The following KCNIP1 variants were observed in gnomAD, a reference collection of about 807,000 sequenced individuals.
KCNIP1 encodes the protein potassium voltage-gated channel interacting protein 1.
In KCNIP1, 18 loss-of-function variants were observed where a neutral mutation model predicts 33.0. That is an observed-to-expected ratio of 0.55 (90% CI 0.38 to 0.81). KCNIP1 has a LOEUF of 0.81. Among genes scored for constraint, KCNIP1 ranks in the 30% least tolerant of loss-of-function variants. The probability of loss-of-function intolerance (pLI) is 0.00; values close to 1 mark genes in which losing one functional copy is unlikely to be tolerated. For missense variants in KCNIP1, 238 were observed against 271.6 expected (o/e 0.88, Z 0.87); for synonymous variants, 93 against 98.3 (o/e 0.95, Z 0.32).
intron 1 of KCNIP1, among the ~76,000 whole-genome samples, chr5:170,670,193 ATT>A: frequency 6.6e-6 from 1 of 152,250 alleles, no homozygotes; most frequent in Middle Eastern, 3.4e-3. Context: ...GTCCTCTAAT[ATT>A]TTCTTAGTGA....
intron 1 of KCNIP1, among the ~76,000 whole-genome samples, chr5:170,572,539 C>T (rs946718531): frequency 2.0e-5 from 3 of 152,220 alleles, no homozygotes; most frequent in Admixed American, 6.5e-5. Flanking sequence ...TCAAGGCATA[C>T]GTGGTGTGCA....
intron 1 of KCNIP1, among the ~76,000 whole-genome samples, chr5:170,444,181 C>T (rs1336771705): frequency 5.9e-5 from 9 of 152,236 alleles, no homozygotes; most frequent in African/African-American, 2.2e-4. Flanking sequence ...GGTCAGAAAT[C>T]CAAAATGACT....
chr5:170,355,688 G>T (rs113423751), intron 1 of KCNIP1, among the ~76,000 whole-genome samples: 8,834 of 152,286 alleles, frequency 0.058, 379 homozygotes, highest in African/African-American at 0.11. Context: ...AGCCGAAGCT[G>T]CCAGAGGGAG....
At chr5:170,500,737 C>A (rs559914253), upstream of KCNIP1, among the ~76,000 whole-genome samples, 1 of 152,062 alleles carries the variant, frequency 6.6e-6, no homozygotes, top group East Asian at 1.9e-4. Context: ...TGGGCACGTG[C>A]GTATGTGTGT....
chr5:170,457,434 T>C (rs976740368), intron 1 of KCNIP1, among the ~76,000 whole-genome samples: 4 of 152,126 alleles, frequency 2.6e-5, no homozygotes, highest in Admixed American at 1.3e-4. Flanking sequence ...AGGAAGTGGA[T>C]TGCTCCTGCA....
At chr5:170,361,124 G>A (rs538340906) in intron 1 of KCNIP1, among the ~76,000 whole-genome samples, 1 of 152,230 alleles carries the variant, frequency 6.6e-6, no homozygotes, top group Non-Finnish European at 1.5e-5. Context: ...CACTGCCTAT[G>A]CATCACAGCT....
chr5:170,435,089 C>G (rs1432266765), intron 1 of KCNIP1, among the ~76,000 whole-genome samples: 2 of 152,230 alleles, frequency 1.3e-5, no homozygotes, highest in Non-Finnish European at 2.9e-5. Flanking sequence ...GGTCCTCAGA[C>G]AATTTCCTCC....
intron 1 of KCNIP1, among the ~76,000 whole-genome samples, chr5:170,682,080 C>A (rs1286848905): frequency 6.6e-6 from 1 of 152,184 alleles, no homozygotes; most frequent in Admixed American, 6.5e-5. Flanking sequence ...CATGACAAAA[C>A]CGTACATAAT....
At chr5:170,541,980 T>C (rs1428845944) in intron 1 of KCNIP1, among the ~76,000 whole-genome samples, 1 of 152,212 alleles carries the variant, frequency 6.6e-6, no homozygotes, top group East Asian at 1.9e-4. Flanking sequence ...ATCGTAGTAA[T>C]ATCATCTACA....
chr5:170,618,504 A>G (rs1250884047), intron 1 of KCNIP1, among the ~76,000 whole-genome samples: 149 of 69,896 alleles, frequency 2.1e-3, no homozygotes, highest in Non-Finnish European at 3.3e-3. Context: ...GGGAGGGAGG[A>G]AAGGAGGAAG....
chr5:170,550,440 G>T (rs1756567383), intron 1 of KCNIP1, among the ~76,000 whole-genome samples: 1 of 152,164 alleles, frequency 6.6e-6, no homozygotes, highest in East Asian at 1.9e-4. Context: ...TGATTATGAT[G>T]GTGATGATGA....
chr5:170,388,019 C>CT (rs1402601032), intron 1 of KCNIP1, among the ~76,000 whole-genome samples: 3 of 139,236 alleles, frequency 2.2e-5, no homozygotes, highest in African/African-American at 5.7e-5. Flanking sequence ...GGCTAATCAG[C>CT]CCCCCCCAGC....
chr5:170,493,224 C>T (rs947836017), intron 1 of KCNIP1, among the ~76,000 whole-genome samples: 6 of 152,190 alleles, frequency 3.9e-5, no homozygotes, highest in African/African-American at 1.4e-4. Context: ...TGATGCTGAA[C>T]TGAGGACACT....
rs148399229 is a variant in KCNIP1, at chr5:170,689,251, A to G, written c.62-29507A>G. Among the ~76,000 whole-genome samples, 62 of 152,338 alleles carry G rather than the reference A, an allele frequency of 4.1e-4. No homozygotes were observed. In the East Asian group the frequency reaches 0.011, roughly 27 times the overall value. Reference sequence around the variant, plus strand: ...ACTCTAGAACAGATGCTGGAGATACAAAGATGCATGAGACTTGCCCCCATC... The same window carrying G: ...ACTCTAGAACAGATGCTGGAGATACGAAGATGCATGAGACTTGCCCCCATC... On this transcript the variant is annotated intron_variant, in intron 1 of 7. Coordinates refer to ENST00000328939, the MANE Select transcript of KCNIP1 (RefSeq NM_014592.4).
intron 1 of KCNIP1, among the ~76,000 whole-genome samples, chr5:170,424,252 C>T (rs145928371): frequency 1.3e-5 from 2 of 152,288 alleles, no homozygotes; most frequent in African/African-American, 4.8e-5. Flanking sequence ...TGCCATTTAT[C>T]GAAGGCCTAC....
chr5:170,710,028 C>T (rs1763391572), intron 1 of KCNIP1, among the ~76,000 whole-genome samples: 1 of 152,100 alleles, frequency 6.6e-6, no homozygotes, highest in Admixed American at 6.6e-5. Context: ...CCACCATGCC[C>T]AGCTAATTTT....
intron 1 of KCNIP1, among the ~76,000 whole-genome samples, chr5:170,439,542 G>A (rs375677844): frequency 3.3e-5 from 5 of 152,302 alleles, no homozygotes; most frequent in East Asian, 3.9e-4. Flanking sequence ...CACTCCACAC[G>A]TAGGAGGCTG....
At chr5:170,657,965 C>A (rs992696332) in intron 1 of KCNIP1, among the ~76,000 whole-genome samples, 2 of 152,220 alleles carry the variant, frequency 1.3e-5, no homozygotes, top group Admixed American at 6.5e-5. Context: ...GATGTGATAC[C>A]TGCTGGGATA....
At chr5:170,418,064 C>A (rs909543606) in intron 1 of KCNIP1, among the ~76,000 whole-genome samples, 1 of 152,170 alleles carries the variant, frequency 6.6e-6, no homozygotes, top group African/African-American at 2.4e-5. Flanking sequence ...CTTTCTCCAC[C>A]CCTCCTTTAA....
Sources: allele counts gnomAD v4.1 joint callset (sites outside exome capture counted in the v4.1 genomes callset), GRCh38; gene constraint gnomAD v4.1.1; transcripts MANE v1.5; gene names NCBI Gene and HGNC (gene_info 2026-07-23, HGNC 2026-07-21).